The following WDR19 variants were observed in gnomAD, a reference collection of about 807,000 sequenced individuals.
WDR19 encodes WD repeat-containing protein 19.
WDR19 carries 121 observed loss-of-function variants against 180.0 expected under a neutral mutation model. The observed-to-expected ratio is 0.67, with a 90% confidence interval of 0.58 to 0.78. WDR19 has a LOEUF of 0.78. Among genes scored for constraint, WDR19 ranks in the 30% least tolerant of loss-of-function variants. WDR19 has a pLI of 0.00. For synonymous variants in WDR19, 497 were observed against 540.7 expected (o/e 0.92, Z 1.12); for missense variants, 1,450 against 1,640.7 (o/e 0.88, Z 2.01).
intron 24 of WDR19, among the ~76,000 whole-genome samples, chr4:39,250,760 G>T (rs1733079563): frequency 6.6e-6 from 1 of 152,072 alleles, no homozygotes; most frequent in African/African-American, 2.4e-5. Flanking sequence ...ATTCACAGTT[G>T]CTTCAAAGAG....
At chr4:39,199,632 C>A in intron 6 of WDR19, 39 bp downstream of exon 6, 1 of 1,492,894 alleles carries the variant, frequency 6.7e-7, no homozygotes, top group Non-Finnish European at 9.3e-7. Flanking sequence ...TATATTCAAG[C>A]TTTCCCCCCA....
chr4:39,203,565 G>A, intron 6 of WDR19, 77 bp from the exon 7 acceptor site: 1 of 1,223,104 alleles, frequency 8.2e-7, no homozygotes, highest in Non-Finnish European at 1.2e-6. Flanking sequence ...ATGAAAACAA[G>A]TTATCCATTC....
rs759783486 is a variant in WDR19 at position 39,270,119 on chromosome 4, C to G, written c.3483+19C>G. On this transcript the variant is annotated intron_variant, in intron 31 of 36. Coordinates refer to ENST00000399820, the MANE Select transcript of WDR19 (RefSeq NM_025132.4). ...AGTAAAGGTGAGGCCCATGGAGTGA[C>G]TTGGGACATAACCTGCCAGGTGTTT... is the stretch of plus-strand genomic sequence containing the variant. The G allele has an allele frequency of 1.9e-6, 3 of 1,611,984 alleles. No individual in the cohort carries two copies. In the African/African-American group the frequency reaches 4.0e-5, roughly 22 times the overall value.
chr4:39,230,981 C>G (rs970593838), intron 17 of WDR19, among the ~76,000 whole-genome samples: 8 of 152,142 alleles, frequency 5.3e-5, no homozygotes, highest in African/African-American at 1.9e-4. Context: ...CTCAGTCTGG[C>G]TGTTGTAGCA....
chr4:39,228,758 AATT>A (rs930244004), intron 17 of WDR19, 68 bp downstream of exon 17: 408 of 1,428,716 alleles, frequency 2.9e-4, no homozygotes, highest in Non-Finnish European at 1.7e-4. Flanking sequence ...CAAATCCTAT[AATT>A]ATTCTATCTT....
At chr4:39,264,919 A>G (rs1454257124) in intron 28 of WDR19, among the ~76,000 whole-genome samples, 1 of 61,586 alleles carries the variant, frequency 1.6e-5, no homozygotes, top group Non-Finnish European at 2.9e-5. Context: ...TATGGAGATG[A>G]CGTTTTTTTT....
At position 39,205,984 on chromosome 4, in the gene WDR19, A is replaced by G. The variant is rs1727911754; in HGVS notation, c.890+248A>G. 7.9e-6 allele frequency: 3 copies of G among 377,364 alleles called. No individual in the cohort carries two copies. The East Asian group carries it at 1.5e-4, about 18-fold the overall frequency. The allele number at this position is 377,364 out of a possible 1,614,324, so 23.4% of individuals were successfully genotyped here. A position where few individuals can be genotyped will look rare whatever the true frequency, so the allele number is the denominator to read the frequency against. Reference sequence around the variant, plus strand: ...AAGCACACTCCACCCCATGTCTCCCACTGAGTACAGCTATAAAACGTGAAC... The same window carrying G: ...AAGCACACTCCACCCCATGTCTCCCGCTGAGTACAGCTATAAAACGTGAAC... On this transcript the variant is annotated intron_variant, in intron 9 of 36. Coordinates refer to ENST00000399820, the MANE Select transcript of WDR19 (RefSeq NM_025132.4).
intron 5 of WDR19, among the ~76,000 whole-genome samples, 149 bp from the exon 6 acceptor site, chr4:39,199,325 TAAAC>T (rs1173124790): frequency 6.6e-6 from 1 of 152,244 alleles, no homozygotes; most frequent in African/African-American, 2.4e-5. Flanking sequence ...ACCTTGGTAA[TAAAC>T]TGTTTTAAAT....
At chr4:39,220,830 T>A (rs1191577255) in intron 14 of WDR19, among the ~76,000 whole-genome samples, 1 of 148,846 alleles carries the variant, frequency 6.7e-6, no homozygotes, top group Non-Finnish European at 1.5e-5. Context: ...ATATTTTCTT[T>A]TTATTTATTT....
In WDR19 at chr4:39,228,318, A is replaced by C; in HGVS notation, c.1738A>C (p.Lys580Gln). The C allele has an allele frequency of 3.7e-6, 6 of 1,613,420 alleles. No homozygotes were observed. The highest frequency in any genetic ancestry group is 5.1e-6 in the Non-Finnish European group (6 of 1,179,540). The change falls in exon 16 of 37, where the codon AAG becomes CAG. Residue 580 changes from lysine (K) to glutamine (Q), a missense_variant. Transcript: ENST00000399820. The stretch of plus-strand genomic sequence containing the variant: ...TGTATTTATTGCTTATGATGATGAT[A>C]AGGTGTACACTTATGTCTTTCACAA... ...KGVFIAYDDD[K>Q]VYTYVFHKDT...
chr4:39,260,065 C>G (rs1275461592), intron 28 of WDR19, among the ~76,000 whole-genome samples: 1 of 151,960 alleles, frequency 6.6e-6, no homozygotes, highest in African/African-American at 2.4e-5. Context: ...CTCTCTCTCT[C>G]TCTTCAACTC....
chr4:39,258,139 T>C (rs992467207), intron 28 of WDR19, among the ~76,000 whole-genome samples: 1 of 151,142 alleles, frequency 6.6e-6, no homozygotes, highest in African/African-American at 2.4e-5. Flanking sequence ...TTTGTGTTAT[T>C]GCACATAGCA....
In WDR19 at chr4:39,266,152, G is replaced by A. The variant is rs137960733; in HGVS notation, c.3261+12G>A. 1.4e-4 allele frequency: 223 copies of A among 1,540,016 alleles called. No individual in the cohort carries two copies. In the African/African-American group the frequency reaches 2.5e-3, roughly 17 times the overall value. ...ATGGCATGCCTAAGGTACTGAACAC[G>A]TGGGCTTCGTGTGCATCCTCAGGTC... is the stretch of plus-strand genomic sequence containing the variant. On this transcript the variant is annotated intron_variant, in intron 29 of 36. Coordinates refer to ENST00000399820, the MANE Select transcript of WDR19 (RefSeq NM_025132.4).
chr4:39,264,936 G>A (rs1391367636), intron 28 of WDR19, among the ~76,000 whole-genome samples: 5 of 54,652 alleles, frequency 9.1e-5, no homozygotes, highest in African/African-American at 2.6e-4. Context: ...TTTTTTTTTT[G>A]AGACAAAGTC....
At chr4:39,199,179 A>G (rs1727112560) in intron 5 of WDR19, among the ~76,000 whole-genome samples, 2 of 152,208 alleles carry the variant, frequency 1.3e-5, no homozygotes, top group Non-Finnish European at 2.9e-5. Flanking sequence ...AAAGAAAAAA[A>G]GACATTATCT....
intron 17 of WDR19, 98 bp downstream of exon 17, chr4:39,228,788 C>A (rs1041807317): frequency 8.4e-6 from 11 of 1,306,736 alleles, no homozygotes; most frequent in Admixed American, 2.7e-5. Context: ...TTGCTTTATT[C>A]TTTATCCTTG....
chr4:39,204,322 T>G (rs1199847270), intron 7 of WDR19, among the ~76,000 whole-genome samples: 1 of 152,102 alleles, frequency 6.6e-6, no homozygotes, highest in African/African-American at 2.4e-5. Context: ...CGATCTCAGG[T>G]GATCCACCTC....
intron 1 of WDR19, among the ~76,000 whole-genome samples, chr4:39,182,770 A>G (rs1052418381): frequency 1.1e-4 from 16 of 152,072 alleles, no homozygotes; most frequent in African/African-American, 3.1e-4. Context: ...GAGAGGGCGG[A>G]GAGAGAGGCC....
intron 4 of WDR19, among the ~76,000 whole-genome samples, chr4:39,194,338 G>A (rs1005170889): frequency 2.0e-5 from 3 of 152,136 alleles, no homozygotes; most frequent in East Asian, 3.8e-4. Flanking sequence ...TTATACTTTT[G>A]TATTTTGAGT....
Sources: gnomAD v4.1 joint callset for allele counts (sites outside exome capture counted in the v4.1 genomes callset) on GRCh38, gnomAD v4.1.1 for gene constraint, MANE v1.5 for transcripts, NCBI Gene and HGNC (gene_info 2026-07-23, HGNC 2026-07-21) for gene names.